The following STRBP variants were observed in gnomAD, a reference collection of about 807,000 sequenced individuals.
STRBP encodes spermatid perinuclear RNA-binding protein.
In STRBP, 13 loss-of-function variants were observed where a neutral mutation model predicts 80.1. The observed-to-expected ratio is 0.16, with a 90% CI of 0.11 to 0.26. The LOEUF (loss-of-function observed/expected upper bound fraction) is 0.26, where lower values mean the gene tolerates loss of function less well. Among genes scored for constraint, STRBP ranks in the 10% least tolerant of loss-of-function variants. STRBP has a pLI of 1.00. For synonymous variants in STRBP, 284 were observed against 291.2 expected, an observed-to-expected ratio of 0.98 and a Z score of 0.25; for missense variants, 485 against 815.2, an observed-to-expected ratio of 0.59 and a Z score of 4.93.
intron 1 of STRBP, among the ~76,000 whole-genome samples, chr9:123,247,961 C>T (rs763241871): frequency 1.3e-5 from 2 of 151,988 alleles, no homozygotes; most frequent in Non-Finnish European, 2.9e-5. Context: ...TTGCTAGGCA[C>T]TTTGTAAGTT....
intron 2 of STRBP, among the ~76,000 whole-genome samples, chr9:123,236,585 T>G (rs1564327608): frequency 6.6e-6 from 1 of 151,460 alleles, no homozygotes; most frequent in Non-Finnish European, 1.5e-5. Flanking sequence ...TGGACATTGG[T>G]GATATTAGAC....
At chr9:123,196,265 A>G (rs955165982) in intron 2 of STRBP, among the ~76,000 whole-genome samples, 1 of 152,186 alleles carries the variant, frequency 6.6e-6, no homozygotes, top group East Asian at 1.9e-4. Flanking sequence ...TGAAACTATA[A>G]AACTACTAAA....
chr9:123,215,950 G>C (rs894321843), intron 2 of STRBP, among the ~76,000 whole-genome samples: 1 of 152,104 alleles, frequency 6.6e-6, no homozygotes, highest in East Asian at 1.9e-4. Context: ...GAAAGATTTC[G>C]GACATCTCAT....
At chr9:123,198,817 A>G (rs1425045005) in intron 2 of STRBP, among the ~76,000 whole-genome samples, 1 of 152,024 alleles carries the variant, frequency 6.6e-6, no homozygotes, top group African/African-American at 2.4e-5. Flanking sequence ...TAGCTTGCCA[A>G]TTTTCCCAGG....
chr9:123,139,541 G>A lies in STRBP; in HGVS notation c.1485C>T (p.Ser495=). 6.2e-7 allele frequency: 1 copy of A among 1,609,186 alleles called. No homozygotes were observed. The highest frequency in any genetic ancestry group is 8.5e-7 in the Non-Finnish European group (1 of 1,178,500). ...AAAATAAGTATACCTCTAAGGTACT[G>A]GAGGTTTCAGTTGTAGAATTTCCAG... ...NNTGNSTTET[S]STLEVRTQGP... Residue 495 remains serine, a synonymous_variant, in exon 14 of 19, where the codon TCC becomes TCT. Transcript: ENST00000348403.
rs2037509725 is a variant in STRBP, at chr9:123,161,178, T to C, written c.536-110A>G. On this transcript the variant is annotated intron_variant, in intron 6 of 18. Transcript: ENST00000348403. ...GAATAACAGCATTTGAGTGAACTAA[T>C]AAGACTCCCAGAAAATTTCCTCATT... 4.9e-6 allele frequency: 4 copies of C among 815,792 alleles called. No individual in the cohort carries two copies. In the South Asian group the frequency reaches 5.7e-5, roughly 12 times the overall value. 50.5% of individuals were successfully genotyped at this position (815,792 alleles called of 1,614,324 possible).
At chr9:123,227,205 AT>A (rs1397193409) in intron 2 of STRBP, among the ~76,000 whole-genome samples, 1 of 152,228 alleles carries the variant, frequency 6.6e-6, no homozygotes, top group Non-Finnish European at 1.5e-5. Flanking sequence ...TTATGCAAAA[AT>A]TTAAAAGAGG....
intron 6 of STRBP, among the ~76,000 whole-genome samples, chr9:123,165,827 G>C (rs577613376): frequency 6.6e-6 from 1 of 152,194 alleles, no homozygotes; most frequent in East Asian, 1.9e-4. Context: ...ATGGCAATTA[G>C]CTACCCCATA....
At chr9:123,191,536 A>T (rs146969007) in intron 2 of STRBP, among the ~76,000 whole-genome samples, 190 of 152,266 alleles carry the variant, frequency 1.2e-3, no homozygotes, top group African/African-American at 4.2e-3. Context: ...TAAGGTCTCT[A>T]CTACTCAACT....
intron 6 of STRBP, among the ~76,000 whole-genome samples, chr9:123,162,328 G>A (rs533298861): frequency 1.3e-5 from 2 of 151,520 alleles, no homozygotes; most frequent in Non-Finnish European, 1.5e-5. Flanking sequence ...AGGCTCAAGC[G>A]ATCCTCCCAC....
rs767933749 is a variant in STRBP, at chr9:123,179,096, G to C, written c.135C>G (p.Val45=). ...VSTVECALKH[V]SDWLDETNKG... ...TATTTGTTTCATCCAACCAATCTGA[G>C]ACATGTTTAAGAGCACATTCAACAG... The change falls in exon 4 of 19, where the codon GTC becomes GTG. Residue 45 remains valine, a synonymous_variant. Transcript: ENST00000348403. The C allele has an allele frequency of 6.2e-7, 1 of 1,614,060 alleles. No individual in the cohort carries two copies. Among genetic ancestry groups the C allele is most frequent in the East Asian group, 2.2e-5 (1 of 44,870 alleles).
intron 2 of STRBP, among the ~76,000 whole-genome samples, chr9:123,202,026 T>C (rs1290682316): frequency 6.6e-6 from 1 of 152,246 alleles, no homozygotes; most frequent in African/African-American, 2.4e-5. Flanking sequence ...TGTTGAAGTT[T>C]GTTTTGTCTA....
intron 11 of STRBP, among the ~76,000 whole-genome samples, chr9:123,148,469 GTTATATGCA>G (rs2036915552): frequency 6.6e-6 from 1 of 152,154 alleles, no homozygotes; most frequent in African/African-American, 2.4e-5. Context: ...ATATATTCAC[GTTATATGCA>G]TGAAGAGAAA....
At chr9:123,229,984 T>C (rs2040353294) in intron 2 of STRBP, among the ~76,000 whole-genome samples, 2 of 152,096 alleles carry the variant, frequency 1.3e-5, no homozygotes, top group Non-Finnish European at 2.9e-5. Context: ...AGGTGCAGAT[T>C]AGGAGGAGAG....
intron 14 of STRBP, among the ~76,000 whole-genome samples, chr9:123,137,365 C>G (rs1383127506): frequency 2.0e-5 from 3 of 152,180 alleles, no homozygotes; most frequent in East Asian, 1.9e-4. Context: ...AAATGCTGAA[C>G]ACACAAAATA....
At chr9:123,150,515 T>C (rs1388281766) in intron 11 of STRBP, among the ~76,000 whole-genome samples, 1 of 152,088 alleles carries the variant, frequency 6.6e-6, no homozygotes, top group Non-Finnish European at 1.5e-5. Context: ...TAAAGTGGGC[T>C]ATGACTGCAC....
At chr9:123,233,166 T>C (rs1275740704) in intron 2 of STRBP, among the ~76,000 whole-genome samples, 2 of 152,212 alleles carry the variant, frequency 1.3e-5, no homozygotes, top group African/African-American at 4.8e-5. Flanking sequence ...CTAGTACTCC[T>C]GGGCTCAAGT....
intron 2 of STRBP, among the ~76,000 whole-genome samples, chr9:123,195,047 T>C (rs569296357): frequency 6.6e-6 from 1 of 152,238 alleles, no homozygotes; most frequent in African/African-American, 2.4e-5. Flanking sequence ...GAGTTCCAAA[T>C]TCACATTCAA....
intron 4 of STRBP, among the ~76,000 whole-genome samples, chr9:123,176,140 A>C (rs1173517859): frequency 1.3e-5 from 2 of 152,238 alleles, no homozygotes; most frequent in Non-Finnish European, 2.9e-5. Context: ...AGCTCAATAA[A>C]CAACAGTTAT....
Sources: allele counts gnomAD v4.1 joint callset (sites outside exome capture counted in the v4.1 genomes callset), GRCh38; gene constraint gnomAD v4.1.1; transcripts MANE v1.5; gene names NCBI Gene and HGNC (gene_info 2026-07-23, HGNC 2026-07-21).